SLC36A2: variants seen among roughly 807,000 people sequenced by gnomAD.
The protein encoded by SLC36A2 is proton-coupled amino acid transporter 2.
In SLC36A2, 39 loss-of-function variants were observed where a neutral mutation model predicts 42.7. The ratio of observed to expected loss-of-function variants is 0.91; its 90% confidence interval spans 0.71 to 1.19. The LOEUF is 1.19. Among genes scored for constraint, SLC36A2 ranks in the 50% most tolerant of loss-of-function variants. The pLI is 0.00. For missense variants in SLC36A2, 590 were observed against 613.7 expected (o/e 0.96, Z 0.41); for synonymous variants, 237 against 240.8 (o/e 0.98, Z 0.15).
chr5:151,342,964 C>A lies in SLC36A2; in HGVS notation c.364G>T (p.Asp122Tyr), dbSNP rs773958219. The A allele has an allele frequency of 6.2e-7, 1 of 1,614,020 alleles. No homozygotes were observed. The highest frequency in any genetic ancestry group is 2.2e-5 in the East Asian group (1 of 44,874). ...CCATGCATCACCGTGTCCCCATAGT[C>A]CATAAAGGGCTTGTTAAGCCTGCAG... ...FCKRLNKPFMDYGDTVMHGLE... is the reference protein window; with the variant it reads ...FCKRLNKPFMYYGDTVMHGLE... The change falls in exon 4 of 10, where the codon GAC (aspartate) becomes TAC (tyrosine). Residue 122 changes from aspartate to tyrosine, a missense_variant. Physicochemically the swap from Asp to Tyr is radical, Grantham distance 160. Coordinates refer to ENST00000335244, the MANE Select transcript of SLC36A2 (RefSeq NM_181776.3).
At chr5:151,318,317 A>G (rs1004152425) in intron 9 of SLC36A2, among the ~76,000 whole-genome samples, 9 of 151,684 alleles carry the variant, frequency 5.9e-5, no homozygotes, top group East Asian at 5.8e-4. Context: ...GAATATATCA[A>G]TGTACAAACT....
chr5:151,342,847 C>A, intron 4 of SLC36A2, 41 bp downstream of exon 4: 1 of 1,546,784 alleles, frequency 6.5e-7, no homozygotes, highest in South Asian at 1.1e-5. Context: ...TTTTCTCCTC[C>A]TGTGTCCTAC....
chr5:151,322,265 C>G (rs1327682092), intron 8 of SLC36A2, 50 bp from the exon 9 acceptor site: 1 of 1,601,340 alleles, frequency 6.2e-7, no homozygotes, highest in Non-Finnish European at 8.5e-7. Flanking sequence ...TGTTCTGACA[C>G]TGGCCTCCTT....
At position 151,316,763 on chromosome 5, in the gene SLC36A2, A is replaced by AAAAG; in HGVS notation, c.*53_*54insCTTT. ...CTCAAAAAAAAAAAAAAAAAAAAAA[A>AAAAG]GAGATCCATATAATTAAAAGTCGGG... On this transcript the variant is annotated 3_prime_UTR_variant, in exon 10 of 10. Coordinates refer to ENST00000335244, the MANE Select transcript of SLC36A2 (RefSeq NM_181776.3). 1 of 1,490,262 alleles carries AAAAG rather than the reference A, an allele frequency of 6.7e-7. No homozygotes were observed. Among genetic ancestry groups the AAAAG allele is most frequent in the Non-Finnish European group, 9.1e-7 (1 of 1,102,392 alleles). 92.3% of individuals were successfully genotyped at this position (1,490,262 alleles called of 1,614,324 possible).
intron 7 of SLC36A2, 122 bp downstream of exon 7, chr5:151,333,102 G>A: frequency 1.1e-6 from 1 of 875,776 alleles, no homozygotes; most frequent in South Asian, 1.4e-5. Flanking sequence ...TTTCTCCCAT[G>A]GGCATTTTCT....
chr5:151,336,038 A>G (rs1452693572), intron 5 of SLC36A2, among the ~76,000 whole-genome samples: 1 of 152,162 alleles, frequency 6.6e-6, no homozygotes, highest in East Asian at 1.9e-4. Context: ...AATAGTTAAA[A>G]AATAAGTGTA....
At chr5:151,321,142 G>GATTTATTTATTTATTT (rs141530947) in intron 9 of SLC36A2, among the ~76,000 whole-genome samples, 24 of 149,956 alleles carry the variant, frequency 1.6e-4, no homozygotes, top group African/African-American at 5.8e-4. Context: ...CAGTTCTTAT[G>GATTTATTTATTTATTT]ATTTATTTAT....
At chr5:151,318,506 TAA>T (rs201052572) in intron 9 of SLC36A2, among the ~76,000 whole-genome samples, 2 of 122,538 alleles carry the variant, frequency 1.6e-5, no homozygotes, top group East Asian at 2.6e-4. Flanking sequence ...ATAATAAAAA[TAA>T]ATAATAAATA....
At chr5:151,319,229 G>C (rs1287387816) in intron 9 of SLC36A2, 1 of 566,518 alleles carries the variant, frequency 1.8e-6, no homozygotes, top group African/African-American at 2.0e-5. Flanking sequence ...AATGCATGAA[G>C]AAGTGTAGTG....
Position 151,325,436 on chromosome 5 carries a change from T to C in SLC36A2, c.860A>G (p.Asn287Ser). ...ESIGVVLPLE[N>S]KMKNARHFPA... is the part of the protein sequence containing the mutation. ...GAAGTGGCGGGCATTCTTCATCTTGTTTTCCAGAGGCAGAACCTACAGAAA... is the reference window on the plus strand; with the variant it reads ...GAAGTGGCGGGCATTCTTCATCTTGCTTTCCAGAGGCAGAACCTACAGAAA... Residue 287 changes from asparagine (N) to serine (S), a missense_variant, in exon 8 of 10, where the codon AAC (asparagine) becomes AGC (serine). Physicochemically the swap from Asn to Ser is conservative, Grantham distance 46 (BLOSUM62 1). Transcript: ENST00000335244. 1 of 1,614,060 alleles carries C rather than the reference T, an allele frequency of 6.2e-7. No individual in the cohort carries two copies. The highest frequency in any genetic ancestry group is 1.7e-4 in the Middle Eastern group (1 of 6,060).
chr5:151,340,203 A>AG (rs1435081660), intron 4 of SLC36A2, among the ~76,000 whole-genome samples: 2 of 118,920 alleles, frequency 1.7e-5, no homozygotes, highest in African/African-American at 3.8e-5. Context: ...GAGGAGGAGG[A>AG]GAGGAGGAGG....
At chr5:151,324,218 C>G (rs1755785976) in intron 8 of SLC36A2, among the ~76,000 whole-genome samples, 1 of 152,188 alleles carries the variant, frequency 6.6e-6, no homozygotes, top group Non-Finnish European at 1.5e-5. Context: ...TCTTGGTTCA[C>G]TGCAACCTCC....
intron 4 of SLC36A2, 110 bp from the exon 5 acceptor site, chr5:151,339,254 C>T: frequency 1.4e-6 from 1 of 718,716 alleles, no homozygotes; most frequent in Non-Finnish European, 2.4e-6. Flanking sequence ...TTGCCCTGTA[C>T]CAGCACACTT....
chr5:151,318,508 AAT>A (rs1755579559), intron 9 of SLC36A2, among the ~76,000 whole-genome samples: 1 of 103,198 alleles, frequency 9.7e-6, no homozygotes, highest in African/African-American at 5.7e-5. Context: ...AATAAAAATA[AAT>A]AATAAATAAA....
chr5:151,343,366 C>T, intron 3 of SLC36A2, 144 bp downstream of exon 3: 3 of 845,560 alleles, frequency 3.5e-6, no homozygotes, highest in Admixed American at 1.9e-5. Flanking sequence ...CACCTGAGCT[C>T]CCTGCCCCTG....
intron 3 of SLC36A2, 35 bp from the exon 4 acceptor site, chr5:151,343,018 A>G: frequency 1.3e-6 from 2 of 1,559,990 alleles, no homozygotes; most frequent in Non-Finnish European, 8.8e-7. Flanking sequence ...TTTCCAAGAG[A>G]TAGTTTAGCC....
intron 6 of SLC36A2, among the ~76,000 whole-genome samples, chr5:151,334,774 A>G (rs909258181): frequency 2.0e-5 from 3 of 152,226 alleles, no homozygotes; most frequent in Non-Finnish European, 4.4e-5. Context: ...ATCAATGTCC[A>G]TAATTCAACA....
chr5:151,337,961 A>G (rs1756206181), intron 5 of SLC36A2, among the ~76,000 whole-genome samples: 1 of 152,188 alleles, frequency 6.6e-6, no homozygotes. Flanking sequence ...GAACTTGAGC[A>G]CTGGTGTCAG....
chr5:151,323,243 A>AT (rs1206493069), intron 8 of SLC36A2, among the ~76,000 whole-genome samples: 4 of 113,274 alleles, frequency 3.5e-5, no homozygotes, highest in Non-Finnish European at 7.1e-5. Context: ...TCAAAAATAA[A>AT]TAGATAGATA....
Sources: gnomAD v4.1 joint callset for allele counts (sites outside exome capture counted in the v4.1 genomes callset) on GRCh38, gnomAD v4.1.1 for gene constraint, MANE v1.5 for transcripts, NCBI Gene and HGNC (gene_info 2026-07-23, HGNC 2026-07-21) for gene names.